Variants in FBXW7 observed in about 807,000 individuals in gnomAD.
The protein encoded by FBXW7 is F-box and WD repeat domain containing 7, also known as F-box/WD repeat-containing protein 7.
A neutral mutation model predicts 86.3 loss-of-function variants in FBXW7; 11 were observed. The observed-to-expected ratio is 0.13, with a 90% CI of 0.08 to 0.21. The LOEUF (loss-of-function observed/expected upper bound fraction) is 0.21. Ranked by LOEUF, FBXW7 falls within the 10% of genes least tolerant of loss-of-function variation. The pLI is 1.00. For missense variants in FBXW7, 488 were observed against 847.4 expected (o/e 0.58, Z 5.27); for synonymous variants, 313 against 297.9 (o/e 1.05, Z -0.52).
At chr4:152,424,339 AG>A (rs1460625103) in intron 2 of FBXW7, among the ~76,000 whole-genome samples, 1 of 152,188 alleles carries the variant, frequency 6.6e-6, no homozygotes, top group East Asian at 1.9e-4. Flanking sequence ...TTTGACTAAT[AG>A]GACAATCAAT....
intron 2 of FBXW7, among the ~76,000 whole-genome samples, chr4:152,443,431 A>G (rs887280651): frequency 6.6e-6 from 1 of 152,220 alleles, no homozygotes; most frequent in East Asian, 1.9e-4. Flanking sequence ...ATACAGTAAT[A>G]TTTTAAAATA....
intron 2 of FBXW7, among the ~76,000 whole-genome samples, chr4:152,445,712 A>T (rs1741310630): frequency 6.6e-6 from 1 of 152,152 alleles, no homozygotes; most frequent in African/African-American, 2.4e-5. Context: ...GTTAGAGATC[A>T]GCCTGGGCAA....
At chr4:152,394,168 T>A (rs13147280) in intron 4 of FBXW7, among the ~76,000 whole-genome samples, 11 of 152,148 alleles carry the variant, frequency 7.2e-5, no homozygotes, top group African/African-American at 1.2e-4. Context: ...CATTTGTTTA[T>A]AATCATCTCT....
At chr4:152,333,266 AATT>A (rs1729744098) in intron 7 of FBXW7, among the ~76,000 whole-genome samples, 1 of 152,148 alleles carries the variant, frequency 6.6e-6, no homozygotes, top group South Asian at 2.1e-4. Context: ...AAAGGGGGAC[AATT>A]ATTAAACCAT....
At chr4:152,356,990 C>T (rs954042111) in intron 4 of FBXW7, among the ~76,000 whole-genome samples, 2 of 152,194 alleles carry the variant, frequency 1.3e-5, no homozygotes, top group African/African-American at 2.4e-5. Flanking sequence ...CATAGTGTAA[C>T]GTAATATACA....
At chr4:152,504,251 CTT>C (rs977431592) in intron 2 of FBXW7, among the ~76,000 whole-genome samples, 1 of 152,002 alleles carries the variant, frequency 6.6e-6, no homozygotes, top group African/African-American at 2.4e-5. Flanking sequence ...TTTATAAGAA[CTT>C]TCTTATAAAT....
chr4:152,367,269 G>A (rs1346783855), intron 4 of FBXW7, among the ~76,000 whole-genome samples: 2 of 151,598 alleles, frequency 1.3e-5, no homozygotes, highest in Admixed American at 1.3e-4. Context: ...AGAACTTAAA[G>A]TATAAAAAAA....
intron 4 of FBXW7, among the ~76,000 whole-genome samples, chr4:152,410,575 AATT>A (rs764190805): frequency 8.5e-5 from 13 of 152,176 alleles, no homozygotes; most frequent in Non-Finnish European, 1.6e-4. Flanking sequence ...TTAGCATTTC[AATT>A]ATTATTAATC....
chr4:152,342,550 C>T (rs1169412609), intron 6 of FBXW7, among the ~76,000 whole-genome samples: 1 of 152,052 alleles, frequency 6.6e-6, no homozygotes, highest in Non-Finnish European at 1.5e-5. Context: ...TCTGGATGAT[C>T]TTTAGTGTCT....
chr4:152,400,339 T>C (rs2126838133), intron 4 of FBXW7, among the ~76,000 whole-genome samples: 1 of 152,256 alleles, frequency 6.6e-6, no homozygotes, highest in African/African-American at 2.4e-5. Flanking sequence ...TCTTAGAAGA[T>C]AACATAAGAG....
At chr4:152,433,244 C>T (rs1005067401) in intron 2 of FBXW7, among the ~76,000 whole-genome samples, 2 of 152,188 alleles carry the variant, frequency 1.3e-5, no homozygotes, top group African/African-American at 4.8e-5. Flanking sequence ...ACTAGGAGTG[C>T]TTGCTCATAG....
At chr4:152,356,185 C>T (rs1267583710) in intron 4 of FBXW7, among the ~76,000 whole-genome samples, 1 of 151,996 alleles carries the variant, frequency 6.6e-6, no homozygotes, top group Non-Finnish European at 1.5e-5. Flanking sequence ...ATCTTTCTCC[C>T]CTATCTCCTC....
chr4:152,493,805 G>A (rs1746074877), intron 2 of FBXW7, among the ~76,000 whole-genome samples: 1 of 152,216 alleles, frequency 6.6e-6, no homozygotes, highest in South Asian at 2.1e-4. Flanking sequence ...AATTTCTGTT[G>A]TTTAAGCCAC....
At chr4:152,506,332 C>G (rs538911969) in intron 2 of FBXW7, among the ~76,000 whole-genome samples, 58 of 152,222 alleles carry the variant, frequency 3.8e-4, no homozygotes, top group Non-Finnish European at 7.1e-4. Flanking sequence ...GGGGTTTCAC[C>G]GTGTTAGCCA....
chr4:152,521,809 ATTTTTT>A (rs575881137), intron 2 of FBXW7, among the ~76,000 whole-genome samples: 3 of 100,742 alleles, frequency 3.0e-5, no homozygotes, highest in South Asian at 6.7e-4. Flanking sequence ...TAAGGGTCCA[ATTTTTT>A]TTTTTTTTTT....
intron 4 of FBXW7, among the ~76,000 whole-genome samples, chr4:152,373,298 A>T (rs1734171271): frequency 6.6e-6 from 1 of 151,988 alleles, no homozygotes. Context: ...ATAGAAAGTA[A>T]CTAGAGTAGT....
chr4:152,365,285 CA>C (rs1210026640), intron 4 of FBXW7, among the ~76,000 whole-genome samples: 1 of 151,844 alleles, frequency 6.6e-6, no homozygotes, highest in Non-Finnish European at 1.5e-5. Context: ...TGGGTTTTAC[CA>C]TAAGAGTAAT....
rs1471232420 is a variant in FBXW7 at position 152,411,766 on chromosome 4, C to T, written c.38G>A (p.Arg13Gln). 6.8e-6 allele frequency: 11 copies of T among 1,612,824 alleles called. No individual in the cohort carries two copies. Among genetic ancestry groups the T allele is most frequent in the East Asian group, 2.2e-5 (1 of 44,824 alleles). The change falls in exon 4 of 14, where the codon CGA becomes CAA. Residue 13 changes from arginine to glutamine, a missense_variant. Arg to Gln is a conservative substitution (Grantham distance 43). This residue lies in a region of FBXW7 where 230 missense variants were observed against 240.0 expected (regional missense o/e 0.96). Coordinates refer to ENST00000281708, the MANE Select transcript of FBXW7 (RefSeq NM_001349798.2). ...QELLSVGSKR[R>Q]RTGGSLRGNP... ...ACCTCTCAGAGAGCCTCCAGTTCGTCGTCTTTTGCTGCCCACAGAGAGCAG... is the reference window on the plus strand; with the variant it reads ...ACCTCTCAGAGAGCCTCCAGTTCGTTGTCTTTTGCTGCCCACAGAGAGCAG...
intron 6 of FBXW7, 51 bp downstream of exon 6, chr4:152,346,879 T>G: frequency 6.2e-7 from 1 of 1,605,506 alleles, no homozygotes; most frequent in South Asian, 1.1e-5. Context: ...TAATCCCTTA[T>G]TTTGCAGCAA....
Sources: allele counts gnomAD v4.1 joint callset (sites outside exome capture counted in the v4.1 genomes callset), GRCh38; gene constraint gnomAD v4.1.1; regional missense constraint gnomAD v4.1.1; transcripts MANE v1.5; gene names NCBI Gene and HGNC (gene_info 2026-07-23, HGNC 2026-07-21).